WDR17: variants seen among roughly 807,000 people sequenced by gnomAD.
WDR17 encodes WD repeat domain 17, also known as WD repeat-containing protein 17.
In WDR17, 143 loss-of-function variants were observed where a neutral mutation model predicts 161.7. The ratio of observed to expected loss-of-function variants is 0.88; its 90% CI spans 0.77 to 1.02. The LOEUF (loss-of-function observed/expected upper bound fraction) is 1.02. Among genes scored for constraint, WDR17 ranks in the 50% least tolerant of loss-of-function variants. The pLI, the probability that WDR17 is intolerant of heterozygous loss-of-function variation, is 0.00. For missense variants in WDR17, 1,469 were observed against 1,520.9 expected, an observed-to-expected ratio of 0.97 and a Z score of 0.57; for synonymous variants, 517 against 515.6, an observed-to-expected ratio of 1.00 and a Z score of -0.04.
intron 22 of WDR17, among the ~76,000 whole-genome samples, chr4:176,166,714 A>T (rs1021510748): frequency 6.6e-6 from 1 of 152,134 alleles, no homozygotes; most frequent in African/African-American, 2.4e-5. Context: ...ATTTTCATGG[A>T]CGTTATTTAA....
At chr4:176,091,027 C>G (rs1317623807) in intron 1 of WDR17, among the ~76,000 whole-genome samples, 3 of 152,150 alleles carry the variant, frequency 2.0e-5, no homozygotes, top group Non-Finnish European at 4.4e-5. Context: ...TTCTGGTAAG[C>G]CAACAACCTC....
chr4:176,141,850 T>A (rs10032300), intron 10 of WDR17, 133 bp from the exon 11 acceptor site: 10,334 of 676,632 alleles, frequency 0.015, 524 homozygotes, highest in African/African-American at 0.13. Flanking sequence ...TACTTTCAAA[T>A]GTTCTTTTTG....
rs182199058 is a variant in WDR17 at position 176,167,774 on chromosome 4, T to G, written c.2991-898T>G. On this transcript the variant is annotated intron_variant, in intron 22 of 28. Transcript: ENST00000508596. ...TTGAAGAGGATTTTACAGAAAATAT[T>G]TTAATATAAATCTTCTAAGTACATA... Among the ~76,000 whole-genome samples the G allele has an allele frequency of 1.5e-3, 230 of 152,218 alleles. 2 individuals carry two copies. In the South Asian group the frequency reaches 0.017, roughly 11 times the overall value.
At chr4:176,128,697 A>C in intron 5 of WDR17, 41 bp from the exon 6 acceptor site, 2 of 1,580,720 alleles carry the variant, frequency 1.3e-6, no homozygotes, top group Non-Finnish European at 1.7e-6. Context: ...TTAGTTTCAT[A>C]CAAAACTTGT....
At chr4:176,077,186 A>G (rs1734164627) in intron 1 of WDR17, among the ~76,000 whole-genome samples, 1 of 137,384 alleles carries the variant, frequency 7.3e-6, no homozygotes, top group Non-Finnish European at 1.5e-5. Context: ...TTTTTTCACT[A>G]AGAGCTGTAG....
At chr4:176,170,485 T>G (rs879541510) in intron 23 of WDR17, among the ~76,000 whole-genome samples, 1 of 152,010 alleles carries the variant, frequency 6.6e-6, no homozygotes, top group Non-Finnish European at 1.5e-5. Context: ...CCAGCTAATT[T>G]TGTATTCTTA....
At chr4:176,080,296 C>T (rs1734576463) in intron 1 of WDR17, among the ~76,000 whole-genome samples, 1 of 150,136 alleles carries the variant, frequency 6.7e-6, no homozygotes. Context: ...AAGATAAAAA[C>T]TTGGGGGTAA....
At chr4:176,158,841 CT>C (rs920577879) in intron 18 of WDR17, among the ~76,000 whole-genome samples, 66 of 152,322 alleles carry the variant, frequency 4.3e-4, no homozygotes, top group African/African-American at 1.5e-3. Flanking sequence ...TCCACAACTC[CT>C]GCATTTATGC....
chr4:176,130,471 G>A (rs188447423), intron 6 of WDR17, among the ~76,000 whole-genome samples: 56 of 152,194 alleles, frequency 3.7e-4, no homozygotes, highest in Middle Eastern at 3.4e-3. Flanking sequence ...ATGGCCGGGC[G>A]CGGTGGCTCA....
intron 24 of WDR17, among the ~76,000 whole-genome samples, 170 bp downstream of exon 24, chr4:176,172,686 G>A (rs1227088499): frequency 2.0e-5 from 3 of 152,060 alleles, no homozygotes; most frequent in Non-Finnish European, 2.9e-5. Context: ...AGGCTGTACC[G>A]GAAGCATGGC....
At chr4:176,115,312 AAAAAAACAATAAAAT>A (rs1308319044) in intron 2 of WDR17, among the ~76,000 whole-genome samples, 1 of 151,904 alleles carries the variant, frequency 6.6e-6, no homozygotes, top group Non-Finnish European at 1.5e-5. Context: ...GTCCCATCCA[AAAAAAACAATAAAAT>A]AAAAAGAGTG....
chr4:176,175,715 G>A (rs1447389474), intron 26 of WDR17, among the ~76,000 whole-genome samples: 10 of 143,228 alleles, frequency 7.0e-5, no homozygotes, highest in South Asian at 2.1e-4. Flanking sequence ...CCGCCACCAC[G>A]CCCGGCTAAT....
chr4:176,076,787 C>A (rs1485522), intron 1 of WDR17, among the ~76,000 whole-genome samples: 1 of 151,684 alleles, frequency 6.6e-6, no homozygotes, highest in Admixed American at 6.6e-5. Context: ...GAATGAGAGG[C>A]GGCCCATATA....
chr4:176,093,731 A>G (rs1018242223), intron 1 of WDR17, among the ~76,000 whole-genome samples: 30 of 152,116 alleles, frequency 2.0e-4, no homozygotes, highest in African/African-American at 6.8e-4. Flanking sequence ...AGGTCAGCTA[A>G]AGGTTTCAAC....
At chr4:176,120,321 A>AT (rs1561130364) in intron 4 of WDR17, among the ~76,000 whole-genome samples, 29 of 134,892 alleles carry the variant, frequency 2.1e-4, no homozygotes, top group African/African-American at 8.4e-4. Flanking sequence ...TATATATATA[A>AT]TACATTCAAC....
chr4:176,107,657 T>G (rs572534805), intron 1 of WDR17, among the ~76,000 whole-genome samples: 9 of 152,142 alleles, frequency 5.9e-5, no homozygotes, highest in African/African-American at 2.2e-4. Flanking sequence ...AAGGACATTA[T>G]GTATTCAAGT....
chr4:176,087,904 C>T (rs1257004199), intron 1 of WDR17, among the ~76,000 whole-genome samples: 1 of 151,778 alleles, frequency 6.6e-6, no homozygotes, highest in Non-Finnish European at 1.5e-5. Flanking sequence ...ATTGCAGTGG[C>T]GCGATCTCGG....
At chr4:176,146,190 C>T (rs1185004296) in intron 12 of WDR17, 31 bp downstream of exon 12, 2 of 1,597,276 alleles carry the variant, frequency 1.3e-6, no homozygotes, top group East Asian at 2.2e-5. Flanking sequence ...ATTTTCTAGT[C>T]CTTAAAATCA....
chr4:176,138,261 A>G (rs1744721417), intron 9 of WDR17, among the ~76,000 whole-genome samples: 1 of 151,728 alleles, frequency 6.6e-6, no homozygotes, highest in Non-Finnish European at 1.5e-5. Context: ...ATTTTAGATG[A>G]TTACTATTGA....
Sources: gnomAD v4.1 joint callset for allele counts (sites outside exome capture counted in the v4.1 genomes callset) on GRCh38, gnomAD v4.1.1 for gene constraint, MANE v1.5 for transcripts, NCBI Gene and HGNC (gene_info 2026-07-23, HGNC 2026-07-21) for gene names.